Variants in PCDH9 observed in about 807,000 individuals in gnomAD.
PCDH9 encodes the protein protocadherin 9.
In PCDH9, 24 loss-of-function variants were observed where a neutral mutation model predicts 70.6. The ratio of observed to expected loss-of-function variants is 0.34; its 90% confidence interval spans 0.25 to 0.48. PCDH9 has a LOEUF of 0.48. Ranked by LOEUF, PCDH9 falls within the 20% of genes least tolerant of loss-of-function variation. PCDH9 has a pLI of 0.99. For synonymous variants in PCDH9, 562 were observed against 558.5 expected, an observed-to-expected ratio of 1.01 and a Z score of -0.09; for missense variants, 1,281 against 1,503.6, an observed-to-expected ratio of 0.85 and a Z score of 2.45.
intron 3 of PCDH9, among the ~76,000 whole-genome samples, chr13:66,692,463 C>T (rs1593903204): frequency 1.3e-5 from 2 of 152,036 alleles, no homozygotes; most frequent in Middle Eastern, 3.4e-3. Flanking sequence ...GATTAAAGTT[C>T]ACATGGTAGG....
intron 2 of PCDH9, among the ~76,000 whole-genome samples, chr13:67,200,343 T>C (rs1468081990): frequency 6.6e-6 from 1 of 151,906 alleles, no homozygotes; most frequent in East Asian, 1.9e-4. Context: ...GAGGTACATG[T>C]GTTTCTCTAT....
intron 2 of PCDH9, among the ~76,000 whole-genome samples, chr13:66,967,930 T>A (rs2083457425): frequency 6.6e-6 from 1 of 152,034 alleles, no homozygotes. Context: ...GTTTGTGGAA[T>A]GAGGGAGCCT....
At chr13:66,463,128 G>A (rs1248898697) in intron 4 of PCDH9, among the ~76,000 whole-genome samples, 1 of 151,710 alleles carries the variant, frequency 6.6e-6, no homozygotes, top group Non-Finnish European at 1.5e-5. Flanking sequence ...AATCACCTAA[G>A]TGATACTTTG....
In PCDH9 at chr13:66,868,776, G is replaced by A. The variant is rs368275538; in HGVS notation, c.3138+34728C>T. Among the ~76,000 whole-genome samples the A allele has an allele frequency of 1.1e-4, 16 of 152,158 alleles. 1 individual carries two copies. In the South Asian group the frequency reaches 3.3e-3, roughly 32 times the overall value. ...GTTGGTAAATTTTGTTCACTTCAAG[G>A]CGAAGTTGGGAAAAATTAGTTGTAT... On this transcript the variant is annotated intron_variant, in intron 3 of 4. Coordinates refer to ENST00000377865, the MANE Select transcript of PCDH9 (RefSeq NM_203487.3).
At chr13:66,403,362 G>C (rs1246120089) in intron 4 of PCDH9, among the ~76,000 whole-genome samples, 2 of 152,026 alleles carry the variant, frequency 1.3e-5, no homozygotes, top group East Asian at 1.9e-4. Context: ...GCCCAGGCTG[G>C]TCTGGAACTC....
At chr13:66,609,133 G>T (rs2138865228) in intron 4 of PCDH9, among the ~76,000 whole-genome samples, 1 of 152,024 alleles carries the variant, frequency 6.6e-6, no homozygotes, top group East Asian at 1.9e-4. Flanking sequence ...ATATAAATTA[G>T]CTGTTTATAT....
chr13:66,726,344 A>G (rs1364230540), intron 3 of PCDH9, among the ~76,000 whole-genome samples: 3 of 152,238 alleles, frequency 2.0e-5, no homozygotes, highest in Admixed American at 2.0e-4. Flanking sequence ...AAAAACTTTT[A>G]GTGACAAGTT....
chr13:66,929,377 G>T (rs1469134027), intron 2 of PCDH9, among the ~76,000 whole-genome samples: 1 of 151,916 alleles, frequency 6.6e-6, no homozygotes, highest in Admixed American at 6.6e-5. Context: ...AGGCTTGAGT[G>T]CAATGGCATG....
chr13:66,820,289 T>C (rs112994949), intron 3 of PCDH9, among the ~76,000 whole-genome samples: 1,678 of 152,292 alleles, frequency 0.011, 26 homozygotes, highest in African/African-American at 0.037. Flanking sequence ...GTTTAACTTA[T>C]TATTTCTCCT....
chr13:66,641,331 G>A (rs1430888415), intron 3 of PCDH9, among the ~76,000 whole-genome samples: 1 of 152,146 alleles, frequency 6.6e-6, no homozygotes, highest in African/African-American at 2.4e-5. Context: ...ATTAGCATAG[G>A]ATTCACAAAA....
intron 3 of PCDH9, among the ~76,000 whole-genome samples, chr13:66,778,346 A>G (rs1001027694): frequency 2.0e-5 from 3 of 152,128 alleles, no homozygotes; most frequent in Admixed American, 6.6e-5. Context: ...TCTCTTCCCA[A>G]TATCATCTAC....
chr13:66,604,090 G>C (rs2077194066), intron 4 of PCDH9, among the ~76,000 whole-genome samples: 1 of 151,776 alleles, frequency 6.6e-6, no homozygotes, highest in Non-Finnish European at 1.5e-5. Flanking sequence ...CCAATATATA[G>C]TTTCTCAAAG....
At chr13:66,372,495 T>C (rs956621475) in intron 4 of PCDH9, among the ~76,000 whole-genome samples, 2 of 151,378 alleles carry the variant, frequency 1.3e-5, no homozygotes, top group Admixed American at 1.3e-4. Flanking sequence ...ACAGACTTGG[T>C]GAAGGGAAAT....
intron 2 of PCDH9, among the ~76,000 whole-genome samples, chr13:67,067,655 C>T (rs1312826345): frequency 6.6e-6 from 1 of 151,092 alleles, no homozygotes; most frequent in Non-Finnish European, 1.5e-5. Context: ...AACAAAACAA[C>T]AATAAAATAA....
At chr13:66,708,510 C>T (rs2078748007) in intron 3 of PCDH9, among the ~76,000 whole-genome samples, 1 of 149,648 alleles carries the variant, frequency 6.7e-6, no homozygotes, top group Admixed American at 6.7e-5. Context: ...CATAGTCTTA[C>T]ATTCAGGAAA....
intron 3 of PCDH9, among the ~76,000 whole-genome samples, chr13:66,691,610 A>T (rs945699123): frequency 6.6e-6 from 1 of 152,188 alleles, no homozygotes; most frequent in Non-Finnish European, 1.5e-5. Context: ...TTTGCCTCTG[A>T]AAATTATTAT....
At chr13:66,735,536 T>C (rs1246594804) in intron 3 of PCDH9, among the ~76,000 whole-genome samples, 2 of 152,144 alleles carry the variant, frequency 1.3e-5, no homozygotes, top group South Asian at 2.1e-4. Context: ...TGAGCACATT[T>C]AGAAAATATG....
At chr13:66,604,603 G>A (rs1371850433) in intron 4 of PCDH9, among the ~76,000 whole-genome samples, 1 of 151,938 alleles carries the variant, frequency 6.6e-6, no homozygotes, top group Admixed American at 6.6e-5. Flanking sequence ...TTGAGTGATG[G>A]ATTTTTTCCT....
chr13:66,725,138 A>G (rs182961192), intron 3 of PCDH9, among the ~76,000 whole-genome samples: 154 of 152,266 alleles, frequency 1.0e-3, no homozygotes, highest in African/African-American at 3.6e-3. Context: ...TCTTAGGTCC[A>G]GTTTGTTATA....
Sources: allele counts gnomAD v4.1 joint callset (sites outside exome capture counted in the v4.1 genomes callset), GRCh38; gene constraint gnomAD v4.1.1; transcripts MANE v1.5; gene names NCBI Gene and HGNC (gene_info 2026-07-23, HGNC 2026-07-21).